Variants in PCDHGA11 observed in about 807,000 individuals in gnomAD.
The protein encoded by PCDHGA11 is protocadherin gamma-A11.
PCDHGA11 carries 39 observed loss-of-function variants against 60.4 expected under a neutral mutation model. The ratio of observed to expected loss-of-function variants is 0.65; its 90% CI spans 0.50 to 0.84. PCDHGA11 has a LOEUF of 0.84. Ranked by LOEUF, PCDHGA11 falls within the 40% of genes least tolerant of loss-of-function variation. PCDHGA11 has a pLI of 0.00. For missense variants in PCDHGA11, 1,165 were observed against 1,197.7 expected (o/e 0.97, Z 0.40); for synonymous variants, 533 against 510.3 (o/e 1.04, Z -0.60).
chr5:141,450,931 T>G (rs571428678), intron 1 of PCDHGA11, among the ~76,000 whole-genome samples: 2 of 151,650 alleles, frequency 1.3e-5, no homozygotes, highest in African/African-American at 4.8e-5. Flanking sequence ...TTCAAGCAAT[T>G]CTCCTACCTC....
intron 1 of PCDHGA11, chr5:141,424,599 GATTT>G (rs1016470290): frequency 3.9e-5 from 6 of 152,170 alleles, no homozygotes; most frequent in Non-Finnish European, 8.8e-5. Flanking sequence ...GATGTCTACA[GATTT>G]ATTCAAATAG....
chr5:141,427,914 A>G (rs757621783), intron 1 of PCDHGA11: 123 of 1,576,802 alleles, frequency 7.8e-5, no homozygotes, highest in Non-Finnish European at 7.6e-5. Context: ...CAGCGCCAAC[A>G]TGAGCCGGCG....
At position 141,423,386 on chromosome 5, in the gene PCDHGA11, G is replaced by C; in HGVS notation, c.2159G>C (p.Trp720Ser). ...IVLLALRLWR[W>S]HKSRLLQASE... is the part of the protein sequence containing the mutation. ...CTGCTGGCACTCAGGCTGTGGCGCT[G>C]GCATAAGTCACGCCTGCTGCAGGCT... The change falls in exon 1 of 4, where the codon TGG (tryptophan) becomes TCG (serine). Residue 720 changes from tryptophan (W) to serine (S), a missense_variant. By Grantham distance (177) the Trp-to-Ser change is radical. Transcript: ENST00000398587. The C allele has an allele frequency of 1.9e-6, 3 of 1,614,160 alleles. No homozygotes were observed. The South Asian group carries it at 3.3e-5, about 18-fold the overall frequency.
intron 1 of PCDHGA11, chr5:141,430,604 A>C (rs1288378907): frequency 7.8e-6 from 5 of 641,158 alleles, no homozygotes; most frequent in Non-Finnish European, 1.2e-5. Context: ...CGCCTGAAGC[A>C]CAAAGCAGAT....
rs886758924 is a variant in PCDHGA11 at position 141,422,074 on chromosome 5, C to A, written c.847C>A (p.Arg283=). 6.2e-7 allele frequency: 1 copy of A among 1,612,264 alleles called. No individual in the cohort carries two copies. Among genetic ancestry groups the A allele is most frequent in the African/African-American group, 1.3e-5 (1 of 74,930 alleles). ...GINGEVMYSF[R]NMESKASEIF... ...CAACGGGGAAGTAATGTATTCATTT[C>A]GGAACATGGAAAGCAAGGCTTCTGA... The change falls in exon 1 of 4, where the codon CGG becomes AGG. Residue 283 remains arginine, a synonymous_variant. Coordinates refer to ENST00000398587, the MANE Select transcript of PCDHGA11 (RefSeq NM_018914.3).
chr5:141,503,598 CAAAAA>C (rs765754054), intron 2 of PCDHGA11, among the ~76,000 whole-genome samples: 1 of 65,760 alleles, frequency 1.5e-5, no homozygotes, highest in African/African-American at 4.7e-5. Context: ...GACTCCAGCT[CAAAAA>C]AAAAAAAAAA....
At position 141,494,854 on chromosome 5, in the gene PCDHGA11, C is replaced by T. The variant is rs1353498253; in HGVS notation, c.2481C>T (p.Pro827=). ...TDWRFSQAQR[P]GTSGSQNGDD... The stretch of plus-strand genomic sequence containing the variant: ...GGCGTTTCTCTCAGGCCCAGAGACC[C>T]GGCACCAGCGGGTAGGTGACTGATT... The change falls in exon 2 of 4, where the codon CCC becomes CCT. Residue 827 remains proline (P), a synonymous_variant. Coordinates refer to ENST00000398587, the MANE Select transcript of PCDHGA11 (RefSeq NM_018914.3). 1.2e-6 allele frequency: 2 copies of T among 1,614,120 alleles called. No homozygotes were observed. Among genetic ancestry groups the T allele is most frequent in the East Asian group, 2.2e-5 (1 of 44,870 alleles).
chr5:141,487,608 G>A lies in PCDHGA11; in HGVS notation c.2434-7199G>A, dbSNP rs970411391. On this transcript the variant is annotated intron_variant, in intron 1 of 3. Coordinates refer to ENST00000398587, the MANE Select transcript of PCDHGA11 (RefSeq NM_018914.3). The surrounding 1 kb of genome is among the most constrained non-coding windows in gnomAD (Gnocchi z 5.0). ...TGCCCACCCTCTGATCTTCTCTATG[G>A]GCTAGAGGTGAGACCTTTGCAGGCT... 1 of 1,614,182 alleles carries A rather than the reference G, an allele frequency of 6.2e-7. No individual in the cohort carries two copies. Among genetic ancestry groups the A allele is most frequent in the African/African-American group, 1.3e-5 (1 of 75,050 alleles).
intron 2 of PCDHGA11, among the ~76,000 whole-genome samples, chr5:141,497,539 C>A (rs2099777336): frequency 6.9e-6 from 1 of 145,274 alleles, no homozygotes; most frequent in African/African-American, 2.6e-5. Context: ...ATGCAACAAA[C>A]CTTTTTTTTT....
chr5:141,470,490 A>C (rs1193023083), intron 1 of PCDHGA11, among the ~76,000 whole-genome samples: 1 of 152,202 alleles, frequency 6.6e-6, no homozygotes, highest in African/African-American at 2.4e-5. Context: ...TCTGGGAATA[A>C]TATTAGGTAA....
rs2096632774 is a variant in PCDHGA11 at position 141,422,198 on chromosome 5, A to G, written c.971A>G (p.Asp324Gly). 6.4e-7 allele frequency: 1 copy of G among 1,562,340 alleles called. No homozygotes were observed. The highest frequency in any genetic ancestry group is 8.6e-7 in the Non-Finnish European group (1 of 1,159,192). The change falls in exon 1 of 4, where the codon GAT becomes GGT. Residue 324 changes from aspartate to glycine, a missense_variant. Asp to Gly is a moderately conservative substitution (Grantham distance 94, BLOSUM62 -1). Transcript: ENST00000398587. ...TATGAGATGGAAATTCAAGGCCAAG[A>G]TGGTGGAGGTCTCTTTACCACCACG... is the stretch of plus-strand genomic sequence containing the variant. Reference protein sequence around the residue: ...RFYEMEIQGQDGGGLFTTTTM... With the variant: ...RFYEMEIQGQGGGGLFTTTTM...
chr5:141,427,810 G>A (rs2097074260), intron 1 of PCDHGA11: 1 of 1,523,990 alleles, frequency 6.6e-7, no homozygotes, highest in Non-Finnish European at 9.0e-7. Flanking sequence ...AGCGCACAGA[G>A]CGGGGTGGTG....
At position 141,432,202 on chromosome 5, in the gene PCDHGA11, T is replaced by C; in HGVS notation, c.2433+8542T>C. 1 of 1,614,120 alleles carries C rather than the reference T, an allele frequency of 6.2e-7. No homozygotes were observed. The highest frequency in any genetic ancestry group is 1.1e-5 in the South Asian group (1 of 91,072). ...CTGTGACCGCCCACGACCCCGACTGTGAAGAGAACGCCCAGATCACTTATT... is the reference window on the plus strand; with the variant it reads ...CTGTGACCGCCCACGACCCCGACTGCGAAGAGAACGCCCAGATCACTTATT... On this transcript the variant is annotated intron_variant, in intron 1 of 3. Coordinates refer to ENST00000398587, the MANE Select transcript of PCDHGA11 (RefSeq NM_018914.3). The surrounding 1 kb of genome is among the most constrained non-coding windows in gnomAD (Gnocchi z 6.0).
chr5:141,458,609 A>T (rs1037852455), intron 1 of PCDHGA11, among the ~76,000 whole-genome samples: 1 of 152,004 alleles, frequency 6.6e-6, no homozygotes, highest in Non-Finnish European at 1.5e-5. Flanking sequence ...TCACTCTGTC[A>T]GCCAGGCTGG....
intron 3 of PCDHGA11, among the ~76,000 whole-genome samples, 193 bp downstream of exon 3, chr5:141,505,674 G>C (rs1482125302): frequency 6.6e-6 from 1 of 152,192 alleles, no homozygotes; most frequent in East Asian, 1.9e-4. Context: ...GGGGTTGGGG[G>C]TCCTGGGATG....
chr5:141,478,901 A>T (rs2099483520), intron 1 of PCDHGA11: 2 of 1,002,034 alleles, frequency 2.0e-6, no homozygotes, highest in African/African-American at 3.3e-5. Flanking sequence ...ATTAGGAATA[A>T]GCTGCTGGAT....
Position 141,431,473 on chromosome 5 carries a change from C to G in PCDHGA11, c.2433+7813C>G, listed in dbSNP as rs750300971. ...TGATGGTTCTGGATGCGAACGACAA[C>G]GCACCAGCGTTTGCTCAGCCCGAGT... On this transcript the variant is annotated intron_variant, in intron 1 of 3. Coordinates refer to ENST00000398587, the MANE Select transcript of PCDHGA11 (RefSeq NM_018914.3). This position sits in a 1 kb window ranked among gnomAD's most constrained non-coding sequence, Gnocchi z 4.8. 5.0e-6 allele frequency: 8 copies of G among 1,613,832 alleles called. No homozygotes were observed. The highest frequency in any genetic ancestry group is 1.7e-5 in the Admixed American group (1 of 60,026).
chr5:141,438,901 G>A (rs1039951275), intron 1 of PCDHGA11, among the ~76,000 whole-genome samples: 2 of 151,746 alleles, frequency 1.3e-5, no homozygotes, highest in African/African-American at 2.4e-5. Flanking sequence ...CCTGACCTCA[G>A]GTGATCCACC....
chr5:141,433,850 A>C (rs899643386), intron 1 of PCDHGA11, among the ~76,000 whole-genome samples: 2 of 151,896 alleles, frequency 1.3e-5, no homozygotes, highest in East Asian at 3.9e-4. Flanking sequence ...AAAAAAAAAA[A>C]AAAAACTTTA....
Sources: allele counts gnomAD v4.1 joint callset (sites outside exome capture counted in the v4.1 genomes callset), GRCh38; gene constraint gnomAD v4.1.1; non-coding constraint Gnocchi (gnomAD v3.1); transcripts MANE v1.5; gene names NCBI Gene and HGNC (gene_info 2026-07-23, HGNC 2026-07-21).